The following INPP5B variants were observed in gnomAD, a reference collection of about 807,000 sequenced individuals.
INPP5B encodes inositol polyphosphate-5-phosphatase B.
Under a neutral mutation model 118.5 loss-of-function variants are expected in INPP5B, and 90 were observed. The observed-to-expected ratio is 0.76, with a 90% CI of 0.64 to 0.90. The LOEUF is 0.90. Among genes scored for constraint, INPP5B ranks in the 40% least tolerant of loss-of-function variants. The probability of loss-of-function intolerance (pLI) is 0.00; values close to 1 mark genes in which losing one functional copy is unlikely to be tolerated. For missense variants in INPP5B, 984 were observed against 1,125.6 expected (o/e 0.87, Z 1.80); for synonymous variants, 385 against 418.9 (o/e 0.92, Z 0.99).
intron 23 of INPP5B, 149 bp from the exon 24 acceptor site, chr1:37,862,579 C>A: frequency 1.6e-6 from 1 of 639,850 alleles, no homozygotes; most frequent in Non-Finnish European, 2.8e-6. Context: ...TAAACTTTCA[C>A]AAACCTGTAC....
At chr1:37,895,047 T>C (rs1286913558) in intron 7 of INPP5B, among the ~76,000 whole-genome samples, 1 of 152,256 alleles carries the variant, frequency 6.6e-6, no homozygotes, top group East Asian at 1.9e-4. Flanking sequence ...TGGATTCTAC[T>C]TCTCTTTCTT....
chr1:37,885,511 C>G (rs976819652), intron 13 of INPP5B, 127 bp downstream of exon 13: 15 of 696,214 alleles, frequency 2.2e-5, no homozygotes, highest in Non-Finnish European at 3.4e-5. Context: ...CCATGTATAA[C>G]CAAGAGGTGG....
chr1:37,875,701 C>T lies in INPP5B; in HGVS notation c.1693G>A (p.Asp565Asn), dbSNP rs377554015. The change falls in exon 17 of 24, where the codon GAC becomes AAC. Residue 565 changes from aspartate (D) to asparagine (N), a missense_variant. Asp to Asn is a conservative substitution (Grantham distance 23). Around this residue, in one of 2 missense-constraint regions of INPP5B, gnomAD observed 634 missense variants for 791.0 expected, o/e 0.80. Transcript: ENST00000373024. ...VFDIGVRVVN[D>N]ELYRKTLEEI... ...TCCAGTGTCTTCCGGTAAAGCTCGT[C>T]ATTTACGACCCTCACCTGAAAGGGA... 1.7e-4 allele frequency: 268 copies of T among 1,613,580 alleles called. No homozygotes were observed. The highest frequency in any genetic ancestry group is 2.2e-4 in the Non-Finnish European group (256 of 1,179,592).
Position 37,862,488 on chromosome 1 carries a change from C to T in INPP5B, c.2627-58G>A, listed in dbSNP as rs1641759402. On this transcript the variant is annotated intron_variant, in intron 23 of 23. Transcript: ENST00000373024. Reference sequence around the variant, plus strand: ...AGCAAAAGAAGGTACTAAAGACACACATCACTTAACGACAGGGATATGTTC... The same window carrying T: ...AGCAAAAGAAGGTACTAAAGACACATATCACTTAACGACAGGGATATGTTC... The T allele has an allele frequency of 4.1e-6, 4 of 964,998 alleles. No individual in the cohort carries two copies. In the South Asian group the frequency reaches 5.3e-5, roughly 13 times the overall value. The allele number at this position is 964,998 out of a possible 1,614,324, so 59.8% of individuals were successfully genotyped here. A position where few individuals can be genotyped will look rare whatever the true frequency, so the allele number is the denominator to read the frequency against.
At chr1:37,927,875 C>A (rs1020117128) in intron 7 of INPP5B, among the ~76,000 whole-genome samples, 1 of 152,192 alleles carries the variant, frequency 6.6e-6, no homozygotes. Context: ...CTCAGCCTAA[C>A]ACTCCTGAAT....
At position 37,907,511 on chromosome 1, in the gene INPP5B, T is replaced by G. The variant is rs1412769243; in HGVS notation, c.533-16057A>C. Among the ~76,000 whole-genome samples the G allele has an allele frequency of 6.6e-6, 1 of 152,190 alleles. No homozygotes were observed. Among genetic ancestry groups the G allele is most frequent in the Non-Finnish European group, 1.5e-5 (1 of 68,040 alleles). On this transcript the variant is annotated intron_variant, in intron 7 of 23. Coordinates refer to ENST00000373024, the MANE Select transcript of INPP5B (RefSeq NM_005540.3). This position sits in a 1 kb window ranked among gnomAD's most constrained non-coding sequence, Gnocchi z 4.3. Reference sequence around the variant, plus strand: ...AGGCATTTGAACCACAGTAACTCCATCTTGAATAGGGGCCAGGTAAAATAA... The same window carrying G: ...AGGCATTTGAACCACAGTAACTCCAGCTTGAATAGGGGCCAGGTAAAATAA...
chr1:37,864,535 C>T (rs1641911399), intron 22 of INPP5B, 112 bp from the exon 23 acceptor site: 1 of 603,060 alleles, frequency 1.7e-6, no homozygotes, highest in Non-Finnish European at 2.9e-6. Context: ...AGACTGTGCA[C>T]AGAAAACTGG....
intron 13 of INPP5B, among the ~76,000 whole-genome samples, chr1:37,884,614 A>G (rs1643405569): frequency 6.6e-6 from 1 of 152,022 alleles, no homozygotes. Flanking sequence ...CTGCTATACT[A>G]TAGCAGCCAG....
intron 7 of INPP5B, chr1:37,930,756 A>G (rs1184021945): frequency 1.3e-5 from 2 of 152,238 alleles, no homozygotes; most frequent in East Asian, 3.8e-4. Context: ...CTTGTGCAAC[A>G]TGCCACTCCT....
chr1:37,895,425 T>C (rs2148536896), intron 7 of INPP5B, among the ~76,000 whole-genome samples: 1 of 152,218 alleles, frequency 6.6e-6, no homozygotes, highest in South Asian at 2.1e-4. Context: ...GCCCAGGAGT[T>C]TGAGATCAGC....
At chr1:37,873,904 A>C in intron 18 of INPP5B, 89 bp downstream of exon 18, 2 of 1,046,680 alleles carry the variant, frequency 1.9e-6, no homozygotes, top group Non-Finnish European at 2.6e-6. Context: ...AAAACACTCA[A>C]GCAAAAAGCT....
At position 37,861,971 on chromosome 1, in the gene INPP5B, G is replaced by A. The variant is rs773070357; in HGVS notation, c.*344C>T. 1.1e-5 allele frequency: 2 copies of A among 187,292 alleles called. No homozygotes were observed. The highest frequency in any genetic ancestry group is 1.0e-4 in the South Asian group (1 of 9,944). The allele number at this position is 187,292 out of a possible 1,614,324, so 11.6% of individuals were successfully genotyped here. On this transcript the variant is annotated 3_prime_UTR_variant, in exon 24 of 24. Transcript: ENST00000373024. ...TAATTGCTTGCACCCAGGAGGCAGA[G>A]GTTGCAGTGAGCCGAGATCGTGCCA...
At chr1:37,932,101 C>A in intron 6 of INPP5B, 48 bp from the exon 7 acceptor site, 2 of 1,504,832 alleles carry the variant, frequency 1.3e-6, no homozygotes, top group East Asian at 4.7e-5. Flanking sequence ...CTTGAAGAGC[C>A]GGCTCTGCAT....
rs780001724 is a variant in INPP5B at position 37,875,628 on chromosome 1, G to C, written c.1766C>G (p.Ser589Cys). Residue 589 changes from serine to cysteine, a missense_variant, in exon 17 of 24, where the codon TCT becomes TGT. Ser to Cys is a moderately radical substitution (Grantham distance 112). Transcript: ENST00000373024. ...TACCTCTCGCTTGGACAGGGACACA[G>C]AAGGAATGTTGGCATTTTCCATCTT... The part of the protein sequence containing the change: ...LDKMENANIP[S>C]VSLSKREFCF... 6.2e-7 allele frequency: 1 copy of C among 1,613,796 alleles called. No individual in the cohort carries two copies. Among genetic ancestry groups the C allele is most frequent in the East Asian group, 2.2e-5 (1 of 44,888 alleles).
intron 13 of INPP5B, chr1:37,883,201 A>G (rs895643149): frequency 4.1e-6 from 4 of 985,382 alleles, no homozygotes; most frequent in South Asian, 9.4e-5. Context: ...TCTAAAAGAT[A>G]GTAATTTACC....
Position 37,866,560 on chromosome 1 carries a change from A to T in INPP5B, c.2302-17T>A, listed in dbSNP as rs781412142. On this transcript the variant is annotated splice_polypyrimidine_tract_variant and intron_variant, in intron 20 of 23. Transcript: ENST00000373024. The stretch of plus-strand genomic sequence containing the variant: ...CAGATCTTCCTGCAAAAGGGAAGAC[A>T]GTAACAAAATAATTATTTTCTCAGA... The T allele has an allele frequency of 8.2e-6, 12 of 1,455,402 alleles. No homozygotes were observed. In the Admixed American group the frequency reaches 1.2e-4, roughly 14 times the overall value. 90.2% of individuals were successfully genotyped at this position (1,455,402 alleles called of 1,614,324 possible). A position where few individuals can be genotyped will look rare whatever the true frequency, so the allele number is the denominator to read the frequency against.
In INPP5B at chr1:37,943,628, A is replaced by G; in HGVS notation, c.280+12T>C. ...TGCCCCGAGTGGGACCCAGACCAAG[A>G]GGACCACTCACCAAGGATGTAGAGT... On this transcript the variant is annotated intron_variant, in intron 5 of 23. Transcript: ENST00000373024. 2 of 1,613,936 alleles carry G rather than the reference A, an allele frequency of 1.2e-6. No individual in the cohort carries two copies. The highest frequency in any genetic ancestry group is 1.7e-6 in the Non-Finnish European group (2 of 1,179,910).
At chr1:37,938,233 C>T (rs1416047015) in intron 6 of INPP5B, among the ~76,000 whole-genome samples, 1 of 151,562 alleles carries the variant, frequency 6.6e-6, no homozygotes, top group East Asian at 1.9e-4. Flanking sequence ...TGCGCCATTG[C>T]ACTCTAGCCT....
intron 7 of INPP5B, among the ~76,000 whole-genome samples, chr1:37,896,234 T>C (rs1156922503): frequency 2.2e-5 from 3 of 136,992 alleles, no homozygotes; most frequent in East Asian, 4.7e-4. Context: ...ACCCTCTGCC[T>C]GGCAACCGCC....
Sources: allele counts gnomAD v4.1 joint callset (sites outside exome capture counted in the v4.1 genomes callset), GRCh38; gene constraint gnomAD v4.1.1; regional missense constraint gnomAD v4.1.1; non-coding constraint Gnocchi (gnomAD v3.1); transcripts MANE v1.5; gene names NCBI Gene and HGNC (gene_info 2026-07-23, HGNC 2026-07-21).